TMEM108: variants seen among roughly 807,000 people sequenced by gnomAD.
TMEM108 encodes transmembrane protein 108, also known as cancer/testis antigen 124.
A neutral mutation model predicts 35.1 loss-of-function variants in TMEM108; 12 were observed. The observed-to-expected ratio is 0.34, with a 90% confidence interval of 0.22 to 0.55. The LOEUF (loss-of-function observed/expected upper bound fraction) is 0.55. Ranked by LOEUF, TMEM108 falls within the 20% of genes least tolerant of loss-of-function variation. The probability of loss-of-function intolerance (pLI) is 0.89; values close to 1 mark genes in which losing one functional copy is unlikely to be tolerated. For missense variants in TMEM108, 680 were observed against 753.3 expected (o/e 0.90, Z 1.14); for synonymous variants, 287 against 308.6 (o/e 0.93, Z 0.73).
intron 5 of TMEM108, among the ~76,000 whole-genome samples, chr3:133,392,455 C>T: frequency 6.6e-6 from 1 of 152,070 alleles, no homozygotes; most frequent in East Asian, 1.9e-4. Flanking sequence ...GAGCCACTGC[C>T]CCCAGTCACT....
chr3:133,150,950 T>C (rs1376868741), intron 2 of TMEM108, among the ~76,000 whole-genome samples: 2 of 152,154 alleles, frequency 1.3e-5, no homozygotes, highest in Non-Finnish European at 2.9e-5. Flanking sequence ...GTTTACCTCC[T>C]TTGAGCTCAT....
intron 3 of TMEM108, among the ~76,000 whole-genome samples, chr3:133,337,188 C>T (rs1003137795): frequency 1.3e-5 from 2 of 152,158 alleles, no homozygotes; most frequent in African/African-American, 4.8e-5. Context: ...GATCAAAGAA[C>T]CCCAGGACCT....
chr3:133,128,280 T>C (rs1242202050), intron 2 of TMEM108, among the ~76,000 whole-genome samples: 1 of 152,232 alleles, frequency 6.6e-6, no homozygotes, highest in Non-Finnish European at 1.5e-5. Context: ...AGCACTTACA[T>C]TGCTTTTTCA....
chr3:133,161,026 T>G (rs1490742353), intron 2 of TMEM108, among the ~76,000 whole-genome samples: 1 of 152,144 alleles, frequency 6.6e-6, no homozygotes, highest in Admixed American at 6.5e-5. Context: ...AAAATGAACA[T>G]TCTATCATAT....
At chr3:133,293,563 C>T (rs887760192) in intron 3 of TMEM108, among the ~76,000 whole-genome samples, 6 of 151,870 alleles carry the variant, frequency 4.0e-5, no homozygotes, top group Admixed American at 1.3e-4. Context: ...GGATTCATCT[C>T]ACCAACTTCC....
intron 3 of TMEM108, among the ~76,000 whole-genome samples, chr3:133,241,101 TGAA>T (rs1457223470): frequency 6.6e-6 from 1 of 152,048 alleles, no homozygotes. Context: ...GAGATTTTTC[TGAA>T]GAAGGAAAAT....
At chr3:133,274,009 G>A (rs1946807065) in intron 3 of TMEM108, among the ~76,000 whole-genome samples, 2 of 152,210 alleles carry the variant, frequency 1.3e-5, no homozygotes, top group South Asian at 4.1e-4. Context: ...GCTGAGAGAG[G>A]TTAAGTACTT....
chr3:133,070,612 A>G (rs1419235808), intron 2 of TMEM108, among the ~76,000 whole-genome samples: 3 of 152,186 alleles, frequency 2.0e-5, no homozygotes, highest in Non-Finnish European at 2.9e-5. Flanking sequence ...TCTCATTGCA[A>G]CATTTCATTT....
chr3:133,310,220 AC>A (rs1223693770), intron 3 of TMEM108, among the ~76,000 whole-genome samples: 1 of 152,138 alleles, frequency 6.6e-6, no homozygotes, highest in Non-Finnish European at 1.5e-5. Context: ...TATTAGGTCC[AC>A]TTGGTCCAGA....
intron 5 of TMEM108, among the ~76,000 whole-genome samples, chr3:133,394,000 G>A (rs2073270988): frequency 6.6e-6 from 1 of 152,146 alleles, no homozygotes; most frequent in South Asian, 2.1e-4. Context: ...AGAGTGGATT[G>A]GATTTTGCTG....
At chr3:133,303,185 GTATT>G (rs974892902) in intron 3 of TMEM108, 1 of 152,022 alleles carries the variant, frequency 6.6e-6, no homozygotes, top group African/African-American at 2.4e-5. Context: ...AATAATCACT[GTATT>G]TATCTATTAT....
At chr3:133,072,019 A>C (rs958045535) in intron 2 of TMEM108, among the ~76,000 whole-genome samples, 4 of 152,220 alleles carry the variant, frequency 2.6e-5, no homozygotes, top group African/African-American at 9.6e-5. Context: ...CAAGCGTCCA[A>C]CTTCATTCTT....
intron 2 of TMEM108, among the ~76,000 whole-genome samples, chr3:133,121,651 ACTT>A (rs1174425771): frequency 6.6e-6 from 1 of 152,208 alleles, no homozygotes; most frequent in Non-Finnish European, 1.5e-5. Flanking sequence ...AGGAAACTTC[ACTT>A]CTTGTTACTG....
chr3:133,150,531 A>G (rs1485594141), intron 2 of TMEM108, among the ~76,000 whole-genome samples: 1 of 151,654 alleles, frequency 6.6e-6, no homozygotes, highest in African/African-American at 2.4e-5. Flanking sequence ...CCCACTTGAT[A>G]TTTTTCTTTT....
At chr3:133,174,212 A>G (rs1458768088) in intron 2 of TMEM108, among the ~76,000 whole-genome samples, 1 of 152,246 alleles carries the variant, frequency 6.6e-6, no homozygotes, top group Non-Finnish European at 1.5e-5. Flanking sequence ...ACCTCAGCTC[A>G]AGGAGGCCAG....
chr3:133,342,555 T>TATATATATATATATATATAC (rs60991711), intron 3 of TMEM108, among the ~76,000 whole-genome samples: 19 of 63,378 alleles, frequency 3.0e-4, no homozygotes, highest in Non-Finnish European at 5.1e-4. Flanking sequence ...TATATATATA[T>TATATATATATATATATATAC]ACACACACAC....
At chr3:133,282,156 C>CA (rs949239737) in intron 3 of TMEM108, among the ~76,000 whole-genome samples, 32 of 149,928 alleles carry the variant, frequency 2.1e-4, no homozygotes, top group Non-Finnish European at 3.9e-4. Context: ...GACTCCGTCT[C>CA]AAAAAAAAAT....
In TMEM108 at chr3:133,181,008, T is replaced by TAAAAAAAAAAAAAAAA. The variant is rs369228472; in HGVS notation, c.-46-48243_-46-48228dup. Among the ~76,000 whole-genome samples, 199 of 75,842 alleles carry TAAAAAAAAAAAAAAAA rather than the reference T, an allele frequency of 2.6e-3. 21 individuals carry two copies. Among genetic ancestry groups the TAAAAAAAAAAAAAAAA allele is most frequent in the South Asian group, 3.5e-3 (6 of 1,734 alleles). 49.8% of individuals were successfully genotyped at this position (75,842 alleles called of 152,430 possible). A position where few individuals can be genotyped will look rare whatever the true frequency, so the allele number is the denominator to read the frequency against. ...TGTACTGGCTATTGGGCAGTTGTGT[T>TAAAAAAAAAAAAAAAA]AAAAAAAAAAAAAAAAAAAAAAAAA... On this transcript the variant is annotated intron_variant, in intron 2 of 5. Transcript: ENST00000321871.
At chr3:133,222,591 T>C (rs1359278306) in intron 2 of TMEM108, among the ~76,000 whole-genome samples, 4 of 152,084 alleles carry the variant, frequency 2.6e-5, no homozygotes, top group African/African-American at 9.7e-5. Flanking sequence ...CTCCTCTGAC[T>C]ATATATTTTC....
Sources: gnomAD v4.1 joint callset for allele counts (sites outside exome capture counted in the v4.1 genomes callset) on GRCh38, gnomAD v4.1.1 for gene constraint, MANE v1.5 for transcripts, NCBI Gene and HGNC (gene_info 2026-07-23, HGNC 2026-07-21) for gene names.